The following CRB1 variants were observed in gnomAD, a reference collection of about 807,000 sequenced individuals.
The protein encoded by CRB1 is protein crumbs homolog 1.
In CRB1, 83 loss-of-function variants were observed where a neutral mutation model predicts 120.0. The ratio of observed to expected loss-of-function variants is 0.69; its 90% CI spans 0.58 to 0.83. The LOEUF (loss-of-function observed/expected upper bound fraction) is 0.83, where lower values mean the gene tolerates loss of function less well. Among genes scored for constraint, CRB1 ranks in the 40% least tolerant of loss-of-function variants. The pLI is 0.00. For synonymous variants in CRB1, 625 were observed against 612.5 expected (o/e 1.02, Z -0.30); for missense variants, 1,699 against 1,687.6 (o/e 1.01, Z -0.12).
At chr1:197,415,677 C>T (rs1435155727) in intron 5 of CRB1, among the ~76,000 whole-genome samples, 1 of 113,714 alleles carries the variant, frequency 8.8e-6, no homozygotes, top group Non-Finnish European at 1.6e-5. Flanking sequence ...GAGTCTCACT[C>T]TGTCGCCCAG....
At chr1:197,432,480 A>C (rs929846334) in intron 8 of CRB1, among the ~76,000 whole-genome samples, 4 of 151,728 alleles carry the variant, frequency 2.6e-5, no homozygotes, top group Non-Finnish European at 5.9e-5. Context: ...ATACACTGAA[A>C]TTTTCTCCTG....
At chr1:197,432,506 A>G (rs1448328244) in intron 8 of CRB1, among the ~76,000 whole-genome samples, 1 of 151,962 alleles carries the variant, frequency 6.6e-6, no homozygotes, top group Non-Finnish European at 1.5e-5. Context: ...GTTTCTAATC[A>G]TTATCTCACT....
chr1:197,222,573 C>T, the CRB1 span: 1 of 768,850 alleles, frequency 1.3e-6, no homozygotes, highest in Non-Finnish European at 2.4e-6. Flanking sequence ...TGACGAAACT[C>T]CTGTTGTTTT....
chr1:197,474,591 C>A (rs1558166218), intron 11 of CRB1, among the ~76,000 whole-genome samples: 1 of 152,140 alleles, frequency 6.6e-6, no homozygotes, highest in African/African-American at 2.4e-5. Context: ...TCTTCCTCTC[C>A]TGTTGCAGCA....
chr1:197,348,273 G>A (rs554645353), intron 4 of CRB1, among the ~76,000 whole-genome samples: 1 of 152,292 alleles, frequency 6.6e-6, no homozygotes, highest in East Asian at 1.9e-4. Flanking sequence ...TGTCATAGGA[G>A]ATGACAGCTT....
chr1:197,359,479 A>G (rs1486512797), intron 5 of CRB1, among the ~76,000 whole-genome samples: 3 of 152,158 alleles, frequency 2.0e-5, no homozygotes, highest in African/African-American at 7.2e-5. Flanking sequence ...TTAACCATTC[A>G]GCCATTGAAG....
rs1399965712 is a variant in CRB1, at chr1:197,357,007, T to G, written c.1165T>G (p.Phe389Val). The change falls in exon 5 of 12, where the codon TTC becomes GTC. Residue 389 changes from phenylalanine (F) to valine (V), a missense_variant. Coordinates refer to ENST00000367400, the MANE Select transcript of CRB1 (RefSeq NM_201253.3). ...SGYVCICQPG[F>V]TGIHCEEDVN... Reference sequence around the variant, plus strand: ...TTATGTCTGTATCTGTCAGCCTGGATTCACAGGTGAGGCCAAGGAGATGGG... The same window carrying G: ...TTATGTCTGTATCTGTCAGCCTGGAGTCACAGGTGAGGCCAAGGAGATGGG... 1 of 1,614,202 alleles carries G rather than the reference T, an allele frequency of 6.2e-7. No homozygotes were observed. Among genetic ancestry groups the G allele is most frequent in the Admixed American group, 1.7e-5 (1 of 60,026 alleles).
chr1:197,434,932 G>A lies in CRB1; in HGVS notation c.3069G>A (p.Leu1023=), dbSNP rs201932177. ...GCAACAGCTTTTATATGCTAAGTCT[G>A]ACAAGTTTGCAGTCAGTGAATGATG... The part of the protein sequence containing the change: ...QSGNSFYMLS[L]TSLQSVNDGT... The change falls in exon 9 of 12, where the codon CTG becomes CTA. Residue 1023 remains leucine, a synonymous_variant. Transcript: ENST00000367400. 6.2e-7 allele frequency: 1 copy of A among 1,613,878 alleles called. No homozygotes were observed. Among genetic ancestry groups the A allele is most frequent in the East Asian group, 2.2e-5 (1 of 44,872 alleles).
chr1:197,397,410 A>T (rs570535785), intron 5 of CRB1, among the ~76,000 whole-genome samples: 26 of 152,242 alleles, frequency 1.7e-4, no homozygotes, highest in African/African-American at 6.3e-4. Flanking sequence ...TTCTTATAAA[A>T]CTAAAAATAC....
intron 5 of CRB1, among the ~76,000 whole-genome samples, chr1:197,374,075 T>C (rs1661515109): frequency 6.6e-6 from 1 of 152,162 alleles, no homozygotes; most frequent in Non-Finnish European, 1.5e-5. Context: ...GGCAGGAGTC[T>C]CCTTTGGTAT....
intron 4 of CRB1, among the ~76,000 whole-genome samples, chr1:197,350,741 C>T (rs904041432): frequency 3.3e-5 from 5 of 152,112 alleles, no homozygotes; most frequent in African/African-American, 1.2e-4. Flanking sequence ...AAAGAGGCAC[C>T]ATTTTAGATA....
At position 197,421,959 on chromosome 1, in the gene CRB1, G is replaced by A; in HGVS notation, c.2128+3G>A. 6.2e-7 allele frequency: 1 copy of A among 1,613,320 alleles called. No individual in the cohort carries two copies. The highest frequency in any genetic ancestry group is 1.3e-5 in the African/African-American group (1 of 75,056). ...TGAAGGCCCCAACTGTCTGAGAGGT[G>A]AGAGAAAGCTGAGTGCTATGGCTAG... is the stretch of plus-strand genomic sequence containing the variant. On this transcript the variant is annotated splice_donor_region_variant and intron_variant, in intron 6 of 11. Transcript: ENST00000367400.
chr1:197,473,589 G>A (rs1344909964), intron 11 of CRB1, among the ~76,000 whole-genome samples: 2 of 150,378 alleles, frequency 1.3e-5, no homozygotes, highest in African/African-American at 4.9e-5. Context: ...TATGATAACT[G>A]ACTGCAGATA....
intron 5 of CRB1, among the ~76,000 whole-genome samples, chr1:197,387,465 G>T (rs750546614): frequency 6.6e-6 from 1 of 151,952 alleles, no homozygotes; most frequent in Non-Finnish European, 1.5e-5. Flanking sequence ...CTTTTTAAGT[G>T]TGAATTTAAC....
At chr1:197,351,738 C>T (rs115190296) in intron 4 of CRB1, among the ~76,000 whole-genome samples, 2,921 of 152,100 alleles carry the variant, frequency 0.019, 116 homozygotes, top group African/African-American at 0.067. Flanking sequence ...AGGGGTAGTC[C>T]TGAGAGTCAC....
At chr1:197,267,524 A>G (rs1442261854), upstream of CRB1, among the ~76,000 whole-genome samples, 1 of 152,186 alleles carries the variant, frequency 6.6e-6, no homozygotes, top group Non-Finnish European at 1.5e-5. Context: ...AACAGTGAAC[A>G]GTTTTAACAA....
At chr1:197,341,714 T>C (rs968195569) in intron 2 of CRB1, among the ~76,000 whole-genome samples, 1 of 152,148 alleles carries the variant, frequency 6.6e-6, no homozygotes, top group African/African-American at 2.4e-5. Flanking sequence ...CAAACATTTT[T>C]TTTCCCAATG....
intron 1 of CRB1, chr1:197,304,391 G>A: frequency 1.0e-6 from 1 of 982,944 alleles, no homozygotes; most frequent in Non-Finnish European, 1.2e-6. Context: ...TCTATGACTA[G>A]CAGTGGCATG....
the CRB1 span, among the ~76,000 whole-genome samples, chr1:197,211,697 T>A: frequency 6.6e-6 from 1 of 152,210 alleles, no homozygotes; most frequent in Non-Finnish European, 1.5e-5. Flanking sequence ...TTTCAGACAA[T>A]AATATGCCAT....
Sources: allele counts gnomAD v4.1 joint callset (sites outside exome capture counted in the v4.1 genomes callset), GRCh38; gene constraint gnomAD v4.1.1; transcripts MANE v1.5; gene names NCBI Gene and HGNC (gene_info 2026-07-23, HGNC 2026-07-21).